UNC79: variants seen among roughly 807,000 people sequenced by gnomAD.
UNC79 encodes protein unc-79 homolog.
UNC79 carries 37 observed loss-of-function variants against 283.1 expected under a neutral mutation model. The observed-to-expected ratio is 0.13, with a 90% confidence interval of 0.10 to 0.17. UNC79 has a LOEUF of 0.17. UNC79 is among the 10% of genes least tolerant of loss of function. UNC79 has a pLI of 1.00. For synonymous variants in UNC79, 1,107 were observed against 1,200.2 expected (o/e 0.92, Z 1.61); for missense variants, 2,272 against 3,211.1 (o/e 0.71, Z 7.07).
intron 1 of UNC79, among the ~76,000 whole-genome samples, chr14:93,372,988 A>G (rs2054484316): frequency 6.6e-6 from 1 of 152,256 alleles, no homozygotes; most frequent in Admixed American, 6.5e-5. Flanking sequence ...CAATGAAACG[A>G]AACCAGAATA....
intron 7 of UNC79, among the ~76,000 whole-genome samples, chr14:93,510,562 C>T (rs1353053853): frequency 3.3e-5 from 5 of 152,210 alleles, no homozygotes; most frequent in East Asian, 1.9e-4. Context: ...TACCTTAAAT[C>T]ATCTCTCTCA....
intron 29 of UNC79, among the ~76,000 whole-genome samples, chr14:93,619,019 T>C (rs1179748441): frequency 6.6e-6 from 1 of 152,324 alleles, no homozygotes; most frequent in Non-Finnish European, 1.5e-5. Context: ...AGATTTTAAA[T>C]TGACATCATT....
At chr14:93,400,837 A>G (rs570480042) in intron 1 of UNC79, among the ~76,000 whole-genome samples, 2 of 152,196 alleles carry the variant, frequency 1.3e-5, no homozygotes, top group Non-Finnish European at 2.9e-5. Flanking sequence ...TTATGGCAAA[A>G]AATATGGAAA....
chr14:93,435,331 G>A (rs2056045385), intron 1 of UNC79, among the ~76,000 whole-genome samples: 1 of 152,152 alleles, frequency 6.6e-6, no homozygotes, highest in Non-Finnish European at 1.5e-5. Context: ...CTGCATTCCT[G>A]ATTTAAACTC....
chr14:93,403,253 G>A (rs1280606380), intron 1 of UNC79, among the ~76,000 whole-genome samples: 1 of 152,150 alleles, frequency 6.6e-6, no homozygotes, highest in African/African-American at 2.4e-5. Context: ...GTAAGCAGAG[G>A]GATGACTTTG....
At chr14:93,645,393 GGGA>G (rs755703585) in intron 34 of UNC79, among the ~76,000 whole-genome samples, 8 of 152,140 alleles carry the variant, frequency 5.3e-5, no homozygotes, top group Non-Finnish European at 1.0e-4. Flanking sequence ...GCAAGAGACA[GGGA>G]GTACATTTAG....
intron 30 of UNC79, among the ~76,000 whole-genome samples, chr14:93,629,307 A>G (rs1374034064): frequency 6.6e-6 from 1 of 152,140 alleles, no homozygotes; most frequent in African/African-American, 2.4e-5. Flanking sequence ...CACTAACATT[A>G]TTGGTGAGAT....
chr14:93,575,063 A>T (rs750401024), exon 17 of UNC79: 1 of 1,609,064 alleles, frequency 6.2e-7, no homozygotes, highest in Non-Finnish European at 8.5e-7. Flanking sequence ...CCTAGGTATT[A>T]TCGGAGTTAG....
In UNC79 at chr14:93,617,036, C is replaced by A; in HGVS notation, c.4042-86C>A. 7.9e-7 allele frequency: 1 copy of A among 1,270,376 alleles called. No homozygotes were observed. The highest frequency in any genetic ancestry group is 1.1e-6 in the Non-Finnish European group (1 of 926,996). The allele number at this position is 1,270,376 out of a possible 1,614,324, so 78.7% of individuals were successfully genotyped here. On this transcript the variant is annotated intron_variant, in intron 27 of 48. Coordinates refer to ENST00000555664, the Ensembl canonical transcript of UNC79. The surrounding 1 kb of genome is among the most constrained non-coding windows in gnomAD (Gnocchi z 4.5). ...ATATTTTGCCTGTTAAAAATTTTAA[C>A]CACTGGGATGGCTCAAATTTTTCCT...
chr14:93,640,999 G>C (rs915184045), intron 32 of UNC79, 146 bp from the exon 36 acceptor site: 2 of 524,374 alleles, frequency 3.8e-6, no homozygotes, highest in Admixed American at 3.4e-5. Flanking sequence ...TTTCATGATT[G>C]AGGGCTTTCT....
chr14:93,375,260 T>C (rs1375172343), intron 1 of UNC79, among the ~76,000 whole-genome samples: 7 of 152,170 alleles, frequency 4.6e-5, no homozygotes, highest in African/African-American at 1.4e-4. Flanking sequence ...GTGGTGCCTG[T>C]AGTCCCAGCT....
chr14:93,605,934 C>T (rs544910310), intron 26 of UNC79, among the ~76,000 whole-genome samples: 1 of 152,214 alleles, frequency 6.6e-6, no homozygotes, highest in East Asian at 1.9e-4. Flanking sequence ...CTCTACCTTG[C>T]CTTACACATC....
At chr14:93,404,649 G>A (rs1312498494) in intron 1 of UNC79, among the ~76,000 whole-genome samples, 1 of 148,244 alleles carries the variant, frequency 6.7e-6, no homozygotes, top group Admixed American at 6.8e-5. Context: ...AAGTAAGATG[G>A]GAGAAAAGGA....
At chr14:93,355,526 T>A (rs377387737) in intron 1 of UNC79, among the ~76,000 whole-genome samples, 2 of 152,110 alleles carry the variant, frequency 1.3e-5, no homozygotes, top group East Asian at 1.9e-4. Flanking sequence ...AGAGATGAGG[T>A]TTCACCATGT....
chr14:93,621,819 A>T lies in UNC79; in HGVS notation c.4586A>T (p.Glu1529Val). The change falls in exon 30 of 49, where the codon GAG becomes GTG. Residue 1529 changes from glutamate to valine, a missense_variant. Glu to Val is a moderately radical substitution (Grantham distance 121). This residue lies in a region of UNC79 where 580 missense variants were observed against 632.2 expected (regional missense o/e 0.92). Coordinates refer to ENST00000555664, the Ensembl canonical transcript of UNC79. The surrounding 1 kb of genome is among the most constrained non-coding windows in gnomAD (Gnocchi z 4.8). Reference sequence around the variant, plus strand: ...TCGTGCATAGATCGGTGTGACATAGAGAAGCCTCCGACCCAAGCTGCGTAT... The same window carrying T: ...TCGTGCATAGATCGGTGTGACATAGTGAAGCCTCCGACCCAAGCTGCGTAT... 6.2e-7 allele frequency: 1 copy of T among 1,614,176 alleles called. No homozygotes were observed. Among genetic ancestry groups the T allele is most frequent in the East Asian group, 2.2e-5 (1 of 44,872 alleles).
At chr14:93,504,046 C>A (rs2059422080) in intron 7 of UNC79, among the ~76,000 whole-genome samples, 1 of 151,890 alleles carries the variant, frequency 6.6e-6, no homozygotes, top group Non-Finnish European at 1.5e-5. Flanking sequence ...TCTGTGGTAC[C>A]ATTTTTGTCA....
intron 38 of UNC79, 57 bp from the exon 42 acceptor site, chr14:93,659,136 G>A (rs369357573): frequency 2.8e-6 from 4 of 1,409,868 alleles, no homozygotes; most frequent in African/African-American, 2.9e-5. Flanking sequence ...CATATTTGAA[G>A]CAAAAGTTAT....
intron 35 of UNC79, among the ~76,000 whole-genome samples, chr14:93,647,462 A>T (rs1191582664): frequency 6.6e-6 from 1 of 152,250 alleles, no homozygotes; most frequent in Non-Finnish European, 1.5e-5. Flanking sequence ...TATTTGAACA[A>T]AACATGAATA....
chr14:93,562,163 T>TG (rs1193679236), intron 14 of UNC79, among the ~76,000 whole-genome samples: 1 of 152,150 alleles, frequency 6.6e-6, no homozygotes, highest in Non-Finnish European at 1.5e-5. Context: ...GTGAACCCAG[T>TG]GGGGAGGATC....
Sources: allele counts gnomAD v4.1 joint callset (sites outside exome capture counted in the v4.1 genomes callset), GRCh38; gene constraint gnomAD v4.1.1; regional missense constraint gnomAD v4.1.1; non-coding constraint Gnocchi (gnomAD v3.1); transcripts MANE v1.5; gene names NCBI Gene and HGNC (gene_info 2026-07-23, HGNC 2026-07-21).